Variants in MGMT observed in about 807,000 individuals in gnomAD.
MGMT encodes O-6-methylguanine-DNA methyltransferase.
A neutral mutation model predicts 15.9 loss-of-function variants in MGMT; 14 were observed. The ratio of observed to expected loss-of-function variants is 0.88; its 90% CI spans 0.58 to 1.37. The LOEUF (loss-of-function observed/expected upper bound fraction) is 1.37, where lower values mean the gene tolerates loss of function less well. Ranked by LOEUF, MGMT falls within the 40% of genes most tolerant of loss-of-function variation. The probability of loss-of-function intolerance (pLI) is 0.00; values close to 1 mark genes in which losing one functional copy is unlikely to be tolerated. For synonymous variants in MGMT, 130 were observed against 118.2 expected, an observed-to-expected ratio of 1.10 and a Z score of -0.65; for missense variants, 282 against 268.1, an observed-to-expected ratio of 1.05 and a Z score of -0.36.
At chr10:129,506,801 C>G (rs570900275) in intron 1 of MGMT, among the ~76,000 whole-genome samples, 1 of 152,290 alleles carries the variant, frequency 6.6e-6, no homozygotes, top group African/African-American at 2.4e-5. Context: ...TTAATCTACC[C>G]CCTTTAAACT....
At chr10:129,737,942 C>G (rs2133168530) in intron 3 of MGMT, among the ~76,000 whole-genome samples, 1 of 152,308 alleles carries the variant, frequency 6.6e-6, no homozygotes, top group East Asian at 1.9e-4. Context: ...CTGGGAGAAC[C>G]ACTGCTCTCT....
chr10:129,495,386 A>G (rs1401375905), intron 1 of MGMT, among the ~76,000 whole-genome samples: 2 of 152,206 alleles, frequency 1.3e-5, no homozygotes, highest in East Asian at 3.8e-4. Flanking sequence ...TCACTTGGTA[A>G]TTAGGTGTTT....
intron 1 of MGMT, among the ~76,000 whole-genome samples, chr10:129,479,035 C>T (rs758621316): frequency 2.0e-5 from 3 of 152,086 alleles, no homozygotes; most frequent in African/African-American, 4.8e-5. Flanking sequence ...TGTAGTTGGG[C>T]GTGATTTCTT....
chr10:129,599,475 C>G (rs1236580621), intron 2 of MGMT, among the ~76,000 whole-genome samples: 2 of 152,238 alleles, frequency 1.3e-5, no homozygotes. Context: ...CTTGCTGCTT[C>G]TTGTCTTGCG....
intron 2 of MGMT, among the ~76,000 whole-genome samples, chr10:129,646,915 C>T (rs1375756136): frequency 6.6e-6 from 1 of 150,996 alleles, no homozygotes; most frequent in East Asian, 2.0e-4. Flanking sequence ...GTGGGCATGG[C>T]CGCCCCTCCG....
intron 2 of MGMT, among the ~76,000 whole-genome samples, chr10:129,622,937 G>A (rs986460092): frequency 6.6e-6 from 1 of 152,150 alleles, no homozygotes; most frequent in Non-Finnish European, 1.5e-5. Flanking sequence ...CAGGATCTAC[G>A]TGGGCCGAGC....
At chr10:129,609,981 T>C (rs1219915915) in intron 2 of MGMT, among the ~76,000 whole-genome samples, 1 of 152,164 alleles carries the variant, frequency 6.6e-6, no homozygotes, top group African/African-American at 2.4e-5. Flanking sequence ...ATTTTGCTGT[T>C]GAAAAGCAAA....
intron 2 of MGMT, among the ~76,000 whole-genome samples, chr10:129,617,240 A>G (rs2133072757): frequency 6.6e-6 from 1 of 152,302 alleles, no homozygotes; most frequent in South Asian, 2.1e-4. Context: ...TGCAAAGGAC[A>G]ACATGGATGC....
At chr10:129,507,971 G>GGATA (rs1564837324) in intron 1 of MGMT, among the ~76,000 whole-genome samples, 2 of 152,126 alleles carry the variant, frequency 1.3e-5, no homozygotes, top group Non-Finnish European at 2.9e-5. Context: ...ATTCTGGGTG[G>GGATA]GATACTAAGT....
chr10:129,676,848 C>T (rs746118465), intron 2 of MGMT, among the ~76,000 whole-genome samples: 2 of 151,958 alleles, frequency 1.3e-5, no homozygotes, highest in Non-Finnish European at 2.9e-5. Flanking sequence ...TTCTGTATAG[C>T]ATAAAGCAGT....
At chr10:129,477,157 C>G (rs548578939) in intron 1 of MGMT, among the ~76,000 whole-genome samples, 5 of 152,150 alleles carry the variant, frequency 3.3e-5, no homozygotes, top group African/African-American at 1.2e-4. Flanking sequence ...TCTTCTGACC[C>G]GATCCCCACG....
intron 1 of MGMT, among the ~76,000 whole-genome samples, chr10:129,493,318 G>A (rs1845488205): frequency 6.6e-6 from 1 of 152,098 alleles, no homozygotes; most frequent in Non-Finnish European, 1.5e-5. Context: ...AGCGTCTGGA[G>A]GTCATGAGGT....
intron 2 of MGMT, among the ~76,000 whole-genome samples, chr10:129,704,955 A>C (rs1419501562): frequency 6.6e-6 from 1 of 152,090 alleles, no homozygotes; most frequent in East Asian, 1.9e-4. Context: ...CCTCAAAGCG[A>C]AGTAACCCTG....
chr10:129,682,464 G>A (rs1186628992), intron 2 of MGMT, among the ~76,000 whole-genome samples: 1 of 151,870 alleles, frequency 6.6e-6, no homozygotes, highest in African/African-American at 2.4e-5. Context: ...AGAGATAAGG[G>A]TTAACAGAGA....
In MGMT at chr10:129,770,483, G is replaced by A. The variant is rs1848988159; in HGVS notation, c.*3486G>A. 6.6e-6 allele frequency among the ~76,000 whole-genome samples: 1 copy of A among 152,150 alleles called. No individual in the cohort carries two copies. The highest frequency in any genetic ancestry group is 6.5e-5 in the Admixed American group (1 of 15,286). On this transcript the variant is annotated 3_prime_UTR_variant, in exon 5 of 5. Transcript: ENST00000651593. ...GCCCTGGGGGCCACGTCCCCTCCCG[G>A]TCTCATCTGCCGCTTGCTCACCTTG...
At chr10:129,594,890 G>A (rs149719262) in intron 2 of MGMT, among the ~76,000 whole-genome samples, 44 of 152,162 alleles carry the variant, frequency 2.9e-4, no homozygotes, top group African/African-American at 1.0e-3. Context: ...GGTGACCTTC[G>A]GACCAGCATT....
In MGMT at chr10:129,767,524, TCTAGCTTTGTTTC is replaced by T; in HGVS notation, c.*531_*543del. ...TGGCAGTCAGTGCTTACAGAGGTTT[TCTAGCTTTGTTTC>T]CTACCTGCCAAAAAGGCTAATGCAA... On this transcript the variant is annotated 3_prime_UTR_variant, in exon 5 of 5. Transcript: ENST00000651593. 1 of 152,598 alleles carries T rather than the reference TCTAGCTTTGTTTC, an allele frequency of 6.6e-6. No individual in the cohort carries two copies. 9.5% of individuals were successfully genotyped at this position (152,598 alleles called of 1,614,324 possible).
intron 2 of MGMT, among the ~76,000 whole-genome samples, chr10:129,621,233 A>G (rs1847087128): frequency 6.6e-6 from 1 of 152,242 alleles, no homozygotes; most frequent in African/African-American, 2.4e-5. Context: ...TACATTGAAA[A>G]TGGTGTTCTG....
intron 2 of MGMT, among the ~76,000 whole-genome samples, chr10:129,593,364 C>T (rs1846711910): frequency 1.3e-5 from 2 of 152,164 alleles, no homozygotes; most frequent in African/African-American, 4.8e-5. Flanking sequence ...GTGTTTCCTG[C>T]ATTTGGGATG....
Sources: allele counts gnomAD v4.1 joint callset (sites outside exome capture counted in the v4.1 genomes callset), GRCh38; gene constraint gnomAD v4.1.1; transcripts MANE v1.5; gene names NCBI Gene and HGNC (gene_info 2026-07-23, HGNC 2026-07-21).